The following CHFR variants were observed in gnomAD, a reference collection of about 807,000 sequenced individuals.
CHFR encodes the protein E3 ubiquitin-protein ligase CHFR.
A neutral mutation model predicts 87.6 loss-of-function variants in CHFR; 57 were observed. The observed-to-expected ratio is 0.65, with a 90% CI of 0.53 to 0.81. CHFR has a LOEUF of 0.81. Ranked by LOEUF, CHFR falls within the 30% of genes least tolerant of loss-of-function variation. The pLI, the probability that CHFR is intolerant of heterozygous loss-of-function variation, is 0.00. For synonymous variants in CHFR, 381 were observed against 359.2 expected (o/e 1.06, Z -0.69); for missense variants, 797 against 865.8 (o/e 0.92, Z 1.00).
chr12:132,885,657 T>C (rs1243648254), intron 2 of CHFR, among the ~76,000 whole-genome samples: 1 of 152,206 alleles, frequency 6.6e-6, no homozygotes, highest in East Asian at 1.9e-4. Flanking sequence ...ATGTATAACA[T>C]GTTACAATAA....
rs1321178368 is a variant in CHFR, at chr12:132,834,942, C to T, written c.*6612G>A. On this transcript the variant is annotated 3_prime_UTR_variant, in exon 18 of 18. Coordinates refer to ENST00000450056, the MANE Select transcript of CHFR (RefSeq NM_001161346.2). ...CCATGTTAGCCAGGATGGTCTCGAT[C>T]TCCTGACCTCGTGATCCGCCCGCCT... The T allele has an allele frequency of 2.6e-5, 4 of 152,202 alleles. No individual in the cohort carries two copies. Among genetic ancestry groups the T allele is most frequent in the Non-Finnish European group, 4.4e-5 (3 of 68,048 alleles). The allele number at this position is 152,202 out of a possible 1,614,324, so 9.4% of individuals were successfully genotyped here. A position where few individuals can be genotyped will look rare whatever the true frequency, so the allele number is the denominator to read the frequency against.
chr12:132,842,913 CT>C, intron 17 of CHFR, 97 bp downstream of exon 17: 1 of 1,012,954 alleles, frequency 9.9e-7, no homozygotes, highest in South Asian at 1.4e-5. Context: ...AGGATGCAAC[CT>C]GAGAGAAGCA....
Position 132,846,993 on chromosome 12 carries a change from C to T in CHFR, c.1735+50G>A, listed in dbSNP as rs141163483. 6.9e-4 allele frequency: 948 copies of T among 1,366,016 alleles called. 18 individuals carry two copies. The East Asian group carries it at 0.021, about 31-fold the overall frequency. 84.6% of individuals were successfully genotyped at this position (1,366,016 alleles called of 1,614,324 possible). ...TGGGAGAGCAGACACGCAGGCACAG[C>T]CCTGGACACTCACATGCGCCTTAGA... On this transcript the variant is annotated intron_variant, in intron 15 of 17. Coordinates refer to ENST00000450056, the MANE Select transcript of CHFR (RefSeq NM_001161346.2).
At position 132,835,202 on chromosome 12, in the gene CHFR, A is replaced by G. The variant is rs1262269517; in HGVS notation, c.*6352T>C. On this transcript the variant is annotated 3_prime_UTR_variant, in exon 18 of 18. Coordinates refer to ENST00000450056, the MANE Select transcript of CHFR (RefSeq NM_001161346.2). Reference sequence around the variant, plus strand: ...GTATCTGTGGTGGCGGGACGGGGACATGGCTCAGCCCACCACGGAGTGTCA... The same window carrying G: ...GTATCTGTGGTGGCGGGACGGGGACGTGGCTCAGCCCACCACGGAGTGTCA... The G allele has an allele frequency of 6.6e-6, 1 of 152,202 alleles. No homozygotes were observed. Among genetic ancestry groups the G allele is most frequent in the Non-Finnish European group, 1.5e-5 (1 of 68,030 alleles). The allele number at this position is 152,202 out of a possible 1,614,324, so 9.4% of individuals were successfully genotyped here. A position where few individuals can be genotyped will look rare whatever the true frequency, so the allele number is the denominator to read the frequency against.
intron 3 of CHFR, among the ~76,000 whole-genome samples, chr12:132,877,203 T>C (rs1374565241): frequency 1.3e-5 from 2 of 152,212 alleles, no homozygotes; most frequent in Non-Finnish European, 2.9e-5. Flanking sequence ...ACTCTTACCA[T>C]TGTGTTACAA....
In CHFR at chr12:132,838,893, G is replaced by T. The variant is rs369500865; in HGVS notation, c.*2661C>A. On this transcript the variant is annotated 3_prime_UTR_variant, in exon 18 of 18. Coordinates refer to ENST00000450056, the MANE Select transcript of CHFR (RefSeq NM_001161346.2). ...TGATCTCCCTGCCTCCATAAAACAC[G>T]GCTCCTTACCACGCTGGGAGGATAA... The T allele has an allele frequency of 6.6e-6, 1 of 152,482 alleles. No homozygotes were observed. Among genetic ancestry groups the T allele is most frequent in the African/African-American group, 2.4e-5 (1 of 41,402 alleles). 9.4% of individuals were successfully genotyped at this position (152,482 alleles called of 1,614,324 possible). A position where few individuals can be genotyped will look rare whatever the true frequency, so the allele number is the denominator to read the frequency against.
At chr12:132,880,248 A>G (rs1951735233) in intron 2 of CHFR, among the ~76,000 whole-genome samples, 1 of 152,214 alleles carries the variant, frequency 6.6e-6, no homozygotes, top group Admixed American at 6.6e-5. Context: ...TGAAACTTCC[A>G]GTGGAAAAGA....
chr12:132,856,998 T>TGG (rs1951088705), intron 9 of CHFR, among the ~76,000 whole-genome samples: 4 of 130,732 alleles, frequency 3.1e-5, no homozygotes, highest in Non-Finnish European at 3.3e-5. Flanking sequence ...CGGGTGCTGG[T>TGG]GTGGATGCCC....
intron 2 of CHFR, among the ~76,000 whole-genome samples, chr12:132,884,135 C>T (rs1272883835): frequency 2.0e-5 from 3 of 151,102 alleles, no homozygotes; most frequent in African/African-American, 7.3e-5. Flanking sequence ...ATAAATATAT[C>T]AGGCCGGGCA....
chr12:132,840,944 C>T lies in CHFR; in HGVS notation c.*610G>A, dbSNP rs973134921. 6.6e-6 allele frequency: 1 copy of T among 152,538 alleles called. No individual in the cohort carries two copies. The highest frequency in any genetic ancestry group is 2.4e-5 in the African/African-American group (1 of 41,442). The allele number at this position is 152,538 out of a possible 1,614,324, so 9.4% of individuals were successfully genotyped here. The stretch of plus-strand genomic sequence containing the variant: ...TTTTTTTAATAAACAGAAGCATATG[C>T]TTATTCTTTCAAATACCATACTATA... On this transcript the variant is annotated 3_prime_UTR_variant, in exon 18 of 18. Transcript: ENST00000450056.
chr12:132,866,846 G>C (rs1951356534), intron 6 of CHFR: 1 of 152,236 alleles, frequency 6.6e-6, no homozygotes, highest in South Asian at 2.1e-4. Flanking sequence ...CTGGTGACCA[G>C]CCTGGCCAAC....
chr12:132,863,860 G>A (rs932652286), intron 6 of CHFR, among the ~76,000 whole-genome samples: 23 of 152,248 alleles, frequency 1.5e-4, no homozygotes, highest in Admixed American at 5.9e-4. Context: ...CTGGGCTAAA[G>A]CGATCCTTCC....
chr12:132,861,285 C>A (rs1377717606), intron 7 of CHFR, among the ~76,000 whole-genome samples, 182 bp downstream of exon 7: 1 of 152,024 alleles, frequency 6.6e-6, no homozygotes, highest in African/African-American at 2.4e-5. Context: ...TTATGCAAAC[C>A]GCAAAAAAAC....
At chr12:132,847,379 A>C (rs1272293184) in intron 14 of CHFR, 11 of 1,188,140 alleles carry the variant, frequency 9.3e-6, no homozygotes, top group Non-Finnish European at 1.1e-5. Flanking sequence ...AAGTTCTGCC[A>C]AGACCTACAC....
At chr12:132,878,252 C>T (rs896051349) in intron 2 of CHFR, among the ~76,000 whole-genome samples, 30 of 152,040 alleles carry the variant, frequency 2.0e-4, no homozygotes, top group African/African-American at 6.5e-4. Context: ...GAATGGATCA[C>T]GAGGTCAGGA....
intron 17 of CHFR, among the ~76,000 whole-genome samples, chr12:132,842,733 G>A (rs1207245651): frequency 6.6e-6 from 1 of 152,242 alleles, no homozygotes; most frequent in African/African-American, 2.4e-5. Context: ...TGCAGCCTTC[G>A]ACTTAGAAAC....
chr12:132,877,399 G>A (rs939224906), intron 3 of CHFR, among the ~76,000 whole-genome samples, 156 bp downstream of exon 3: 1 of 152,168 alleles, frequency 6.6e-6, no homozygotes, highest in African/African-American at 2.4e-5. Context: ...TGTTGCTAAG[G>A]GACACATGAC....
At chr12:132,878,851 G>A (rs1951696871) in intron 2 of CHFR, among the ~76,000 whole-genome samples, 1 of 151,464 alleles carries the variant, frequency 6.6e-6, no homozygotes, top group African/African-American at 2.4e-5. Flanking sequence ...AAAACTCAGG[G>A]GCTTAAGTAA....
At chr12:132,884,197 T>C (rs1435086278) in intron 2 of CHFR, among the ~76,000 whole-genome samples, 4 of 151,870 alleles carry the variant, frequency 2.6e-5, no homozygotes, top group Non-Finnish European at 5.9e-5. Context: ...GGCGGGTGGA[T>C]CACCTGAGGT....
Sources: gnomAD v4.1 joint callset for allele counts (sites outside exome capture counted in the v4.1 genomes callset) on GRCh38, gnomAD v4.1.1 for gene constraint, MANE v1.5 for transcripts, NCBI Gene and HGNC (gene_info 2026-07-23, HGNC 2026-07-21) for gene names.